Variants in HEATR4 observed in about 807,000 individuals in gnomAD.
HEATR4 encodes the protein HEAT repeat containing 4.
Under a neutral mutation model 108.8 loss-of-function variants are expected in HEATR4, and 95 were observed. The ratio of observed to expected loss-of-function variants is 0.87; its 90% CI spans 0.74 to 1.04. HEATR4 has a LOEUF of 1.04. Ranked by LOEUF, HEATR4 falls within the 50% of genes least tolerant of loss-of-function variation. The pLI, the probability that HEATR4 is intolerant of heterozygous loss-of-function variation, is 0.00. For missense variants in HEATR4, 1,152 were observed against 1,253.8 expected, an observed-to-expected ratio of 0.92 and a Z score of 1.23; for synonymous variants, 443 against 459.4, an observed-to-expected ratio of 0.96 and a Z score of 0.46.
intron 2 of HEATR4, among the ~76,000 whole-genome samples, chr14:73,526,521 A>G (rs908591497): frequency 6.6e-6 from 1 of 152,072 alleles, no homozygotes; most frequent in Non-Finnish European, 1.5e-5. Flanking sequence ...GCTCAGGGAG[A>G]GACTCCTACT....
the HEATR4 span, among the ~76,000 whole-genome samples, chr14:73,597,448 G>A: frequency 1.3e-5 from 2 of 149,114 alleles, no homozygotes; most frequent in South Asian, 4.3e-4. Flanking sequence ...GCAGTGGCAC[G>A]ATCTCAGCTC....
At chr14:73,553,486 A>G (rs59163028) in intron 1 of HEATR4, among the ~76,000 whole-genome samples, 64,592 of 111,084 alleles carry the variant, frequency 0.58, 26,942 homozygotes, top group African/African-American at 0.8. Context: ...ACTCCAGCCT[A>G]GGCAACTGAA....
the HEATR4 span, among the ~76,000 whole-genome samples, chr14:73,572,592 A>G: frequency 2.1e-5 from 3 of 145,220 alleles, no homozygotes; most frequent in Admixed American, 7.0e-5. Context: ...GTTTGCGGGT[A>G]TCAGCACTGA....
chr14:73,578,813 G>A, the HEATR4 span, among the ~76,000 whole-genome samples: 4 of 151,992 alleles, frequency 2.6e-5, no homozygotes, highest in South Asian at 2.1e-4. Flanking sequence ...TTGGCCAGGC[G>A]CGGTGGCTCA....
At chr14:73,591,830 G>A in the HEATR4 span, 1 of 892,086 alleles carries the variant, frequency 1.1e-6, no homozygotes, top group Non-Finnish European at 1.5e-6. Flanking sequence ...GGGGCTTTCT[G>A]GGACTGCTCA....
chr14:73,567,084 G>A, the HEATR4 span, among the ~76,000 whole-genome samples: 5 of 152,058 alleles, frequency 3.3e-5, no homozygotes, highest in African/African-American at 4.8e-5. Flanking sequence ...TGGGATTACA[G>A]GTGTGAGCCA....
the HEATR4 span, among the ~76,000 whole-genome samples, chr14:73,567,206 G>A: frequency 5.3e-5 from 8 of 152,084 alleles, no homozygotes. Context: ...AAGTAAACTG[G>A]GATTACAGGC....
In HEATR4 at chr14:73,492,730, G is replaced by A. The variant is rs576690817; in HGVS notation, c.2844+336C>T. 1.2e-5 allele frequency: 19 copies of A among 1,613,946 alleles called. 1 individual carries two copies. In the South Asian group the frequency reaches 1.9e-4, roughly 16 times the overall value. On this transcript the variant is annotated intron_variant, in intron 17 of 17. Transcript: ENST00000553558. This position sits in a 1 kb window ranked among gnomAD's most constrained non-coding sequence, Gnocchi z 4.9. ...GCCATTTGTTTCTCTATTACACAGT[G>A]GAAAACTCCCGTGTGTATCATCTGG... is the stretch of plus-strand genomic sequence containing the variant.
the HEATR4 span, among the ~76,000 whole-genome samples, chr14:73,589,321 C>A: frequency 1.2e-4 from 12 of 101,768 alleles, no homozygotes; most frequent in Non-Finnish European, 1.9e-4. Flanking sequence ...TTTTTCTTTT[C>A]TTTTTCCCTT....
chr14:73,563,140 G>GA (rs886214829), upstream of HEATR4, among the ~76,000 whole-genome samples: 4 of 151,864 alleles, frequency 2.6e-5, no homozygotes, highest in Admixed American at 6.6e-5. Context: ...ACCAATATGT[G>GA]ATGTCACCCC....
chr14:73,579,050 A>T, the HEATR4 span, among the ~76,000 whole-genome samples: 10 of 147,140 alleles, frequency 6.8e-5, no homozygotes, highest in African/African-American at 2.3e-4. Flanking sequence ...ACATCACTGC[A>T]CTCTAGCCTA....
chr14:73,581,048 T>C, the HEATR4 span: 2 of 151,956 alleles, frequency 1.3e-5, no homozygotes, highest in African/African-American at 2.4e-5. Context: ...AGTGTTTTGA[T>C]ATGTGTATAT....
In HEATR4 at chr14:73,544,644, A is replaced by G. The variant is rs911697224; in HGVS notation, c.-152+14107T>C. 8.6e-5 allele frequency among the ~76,000 whole-genome samples: 10 copies of G among 115,614 alleles called. 3 individuals are homozygous for G. The highest frequency in any genetic ancestry group is 2.8e-4 in the African/African-American group (10 of 35,530). 75.8% of individuals were successfully genotyped at this position (115,614 alleles called of 152,430 possible). Reference sequence around the variant, plus strand: ...TTAACAATGACAAATGTGAAATTCAATAACAATTTAGGCTTGGCATGGTGG... The same window carrying G: ...TTAACAATGACAAATGTGAAATTCAGTAACAATTTAGGCTTGGCATGGTGG... On this transcript the variant is annotated intron_variant, in intron 1 of 17. Coordinates refer to ENST00000553558, the MANE Select transcript of HEATR4 (RefSeq NM_001220484.1).
At chr14:73,598,217 C>CAAA in the HEATR4 span, among the ~76,000 whole-genome samples, 2,157 of 54,886 alleles carry the variant, frequency 0.039, 199 homozygotes, top group African/African-American at 0.13. Flanking sequence ...ACTAAAAATA[C>CAAA]AAAAAAAAAA....
chr14:73,615,388 T>TAAAAAAAAAAAAAAAA, the HEATR4 span, among the ~76,000 whole-genome samples: 4 of 63,280 alleles, frequency 6.3e-5, no homozygotes, highest in African/African-American at 2.0e-4. Flanking sequence ...CTCTGTCTGA[T>TAAAAAAAAAAAAAAAA]AAAAAAAAAA....
chr14:73,575,410 C>G, the HEATR4 span: 2 of 1,328,584 alleles, frequency 1.5e-6, no homozygotes, highest in East Asian at 2.4e-5. Flanking sequence ...GGAGGGGAGC[C>G]CAGGGCTCAT....
In HEATR4 at chr14:73,523,219, T is replaced by C; in HGVS notation, c.-67A>G. On this transcript the variant is annotated 5_prime_UTR_variant, in exon 3 of 18. Coordinates refer to ENST00000553558, the MANE Select transcript of HEATR4 (RefSeq NM_001220484.1). ...AGAGGAAAGGCCTGGAGATGAGACC[T>C]GGCACCTGTTAAGGGAATGGGAGGA... 6.9e-7 allele frequency: 1 copy of C among 1,446,822 alleles called. No homozygotes were observed. The highest frequency in any genetic ancestry group is 9.2e-7 in the Non-Finnish European group (1 of 1,089,676). 89.6% of individuals were successfully genotyped at this position (1,446,822 alleles called of 1,614,324 possible).
chr14:73,587,514 C>T, the HEATR4 span, among the ~76,000 whole-genome samples: 2 of 152,014 alleles, frequency 1.3e-5, no homozygotes, highest in Non-Finnish European at 2.9e-5. Context: ...GGCCACCACA[C>T]CCAGCTAATT....
rs529756482 is a variant in HEATR4, at chr14:73,551,409, G to T, written c.-152+7342C>A. ...TGAAAATTCGCAGTTGGTGCCAGAG[G>T]GCCAGAGTGAGACAAGCTCCTGATG... is the stretch of plus-strand genomic sequence containing the variant. On this transcript the variant is annotated intron_variant, in intron 1 of 17. Transcript: ENST00000553558. Among the ~76,000 whole-genome samples, 71 of 114,932 alleles carry T rather than the reference G, an allele frequency of 6.2e-4. 16 individuals are homozygous for T. The highest frequency in any genetic ancestry group is 1.6e-3 in the African/African-American group (56 of 35,372). 75.4% of individuals were successfully genotyped at this position (114,932 alleles called of 152,430 possible).
Sources: gnomAD v4.1 joint callset for allele counts (sites outside exome capture counted in the v4.1 genomes callset) on GRCh38, gnomAD v4.1.1 for gene constraint, Gnocchi (gnomAD v3.1) non-coding constraint, MANE v1.5 for transcripts, NCBI Gene and HGNC (gene_info 2026-07-23, HGNC 2026-07-21) for gene names.